EXOC4: variants seen among roughly 807,000 people sequenced by gnomAD.
EXOC4 encodes exocyst complex component 4.
EXOC4 carries 71 observed loss-of-function variants against 107.2 expected under a neutral mutation model. The ratio of observed to expected loss-of-function variants is 0.66; its 90% CI spans 0.55 to 0.81. EXOC4 has a LOEUF of 0.81. EXOC4 is among the 30% of genes least tolerant of loss of function. The pLI, the probability that EXOC4 is intolerant of heterozygous loss-of-function variation, is 0.00. For missense variants in EXOC4, 1,108 were observed against 1,189.6 expected, an observed-to-expected ratio of 0.93 and a Z score of 1.01; for synonymous variants, 456 against 441.2, an observed-to-expected ratio of 1.03 and a Z score of -0.42.
At chr7:133,878,728 G>C (rs1311319634) in intron 11 of EXOC4, among the ~76,000 whole-genome samples, 2 of 151,888 alleles carry the variant, frequency 1.3e-5, no homozygotes, top group South Asian at 4.2e-4. Context: ...TTTTATGTTT[G>C]TTTGTTTGTT....
chr7:133,665,533 A>T (rs933974356), intron 10 of EXOC4, among the ~76,000 whole-genome samples: 1 of 152,126 alleles, frequency 6.6e-6, no homozygotes, highest in Non-Finnish European at 1.5e-5. Context: ...TTGACCATGA[A>T]CTATTGAATG....
chr7:133,924,437 C>T, intron 13 of EXOC4, among the ~76,000 whole-genome samples: 1 of 152,044 alleles, frequency 6.6e-6, no homozygotes, highest in East Asian at 1.9e-4. Context: ...AGCCTCATTC[C>T]AGAAAAGAGA....
At chr7:134,041,962 G>T (rs1260174961) in intron 17 of EXOC4, among the ~76,000 whole-genome samples, 1 of 152,080 alleles carries the variant, frequency 6.6e-6, no homozygotes, top group Non-Finnish European at 1.5e-5. Flanking sequence ...GTTACATTCT[G>T]CTGGGCATAT....
At chr7:133,778,707 A>T (rs906648126) in intron 10 of EXOC4, among the ~76,000 whole-genome samples, 1 of 152,260 alleles carries the variant, frequency 6.6e-6, no homozygotes, top group Non-Finnish European at 1.5e-5. Flanking sequence ...TCAGAGGTGC[A>T]TCCTCTTCAT....
chr7:133,658,423 A>G (rs527671075), intron 10 of EXOC4, among the ~76,000 whole-genome samples: 1 of 152,246 alleles, frequency 6.6e-6, no homozygotes, highest in East Asian at 1.9e-4. Flanking sequence ...CCAAATAAGG[A>G]GGTCCACATC....
chr7:133,410,096 A>G (rs1356390766), intron 7 of EXOC4, among the ~76,000 whole-genome samples: 6 of 151,820 alleles, frequency 4.0e-5, no homozygotes, highest in Non-Finnish European at 8.8e-5. Context: ...TCATCTTTTC[A>G]TTTTTTCCCT....
intron 9 of EXOC4, among the ~76,000 whole-genome samples, chr7:133,552,744 T>G (rs1800616106): frequency 6.6e-6 from 1 of 152,154 alleles, no homozygotes; most frequent in African/African-American, 2.4e-5. Flanking sequence ...ATTCATAGCA[T>G]CTGGCACAGT....
chr7:133,758,841 A>G (rs1365437412), intron 10 of EXOC4, among the ~76,000 whole-genome samples: 1 of 152,198 alleles, frequency 6.6e-6, no homozygotes, highest in African/African-American at 2.4e-5. Context: ...CCCCAGAGAT[A>G]CAGCATGCCT....
At chr7:133,854,821 A>C (rs1798314103) in intron 11 of EXOC4, among the ~76,000 whole-genome samples, 1 of 150,206 alleles carries the variant, frequency 6.7e-6, no homozygotes, top group Non-Finnish European at 1.5e-5. Context: ...ATAAAAAAAA[A>C]AACTTGCCTG....
chr7:133,856,524 T>A (rs1260967605), intron 11 of EXOC4, among the ~76,000 whole-genome samples: 2 of 152,226 alleles, frequency 1.3e-5, no homozygotes, highest in Admixed American at 1.3e-4. Flanking sequence ...TGTGTGCAGC[T>A]CCTAGTGGAG....
chr7:133,933,880 A>G (rs1028586158), intron 13 of EXOC4, among the ~76,000 whole-genome samples: 1 of 152,244 alleles, frequency 6.6e-6, no homozygotes, highest in Non-Finnish European at 1.5e-5. Context: ...TCTCTTCACT[A>G]AAACGTGAAG....
chr7:133,959,051 G>T (rs1013276347), intron 14 of EXOC4, among the ~76,000 whole-genome samples: 1 of 152,184 alleles, frequency 6.6e-6, no homozygotes, highest in Non-Finnish European at 1.5e-5. Flanking sequence ...ACTAACATCA[G>T]TGGTTCTCCA....
intron 9 of EXOC4, among the ~76,000 whole-genome samples, chr7:133,490,815 A>G (rs944690954): frequency 2.6e-5 from 4 of 152,230 alleles, no homozygotes; most frequent in African/African-American, 9.6e-5. Context: ...AATCACATAC[A>G]GGATTTTCCG....
At chr7:133,854,481 G>T (rs1474329613) in intron 11 of EXOC4, among the ~76,000 whole-genome samples, 2 of 151,484 alleles carry the variant, frequency 1.3e-5, no homozygotes, top group Non-Finnish European at 2.9e-5. Context: ...CACATGCTGT[G>T]AAGCTAAAGA....
intron 11 of EXOC4, among the ~76,000 whole-genome samples, chr7:133,878,514 A>T (rs1488457265): frequency 6.6e-6 from 1 of 152,208 alleles, no homozygotes; most frequent in East Asian, 1.9e-4. Context: ...TTATATTCAT[A>T]TTCTATCTCA....
intron 9 of EXOC4, among the ~76,000 whole-genome samples, chr7:133,533,441 T>C (rs991199078): frequency 2.6e-5 from 4 of 152,176 alleles, no homozygotes; most frequent in Admixed American, 1.3e-4. Context: ...TACAGGTTAA[T>C]ATTTTGAGTA....
chr7:133,737,192 A>G (rs1174706028), intron 10 of EXOC4, among the ~76,000 whole-genome samples: 1 of 152,136 alleles, frequency 6.6e-6, no homozygotes, highest in Non-Finnish European at 1.5e-5. Flanking sequence ...TCATATTTTC[A>G]GGCACAGCCC....
Position 133,305,574 on chromosome 7 carries a change from A to G in EXOC4, c.472-303A>G, listed in dbSNP as rs551845617. On this transcript the variant is annotated intron_variant, in intron 3 of 17. Transcript: ENST00000253861. Reference sequence around the variant, plus strand: ...TGGGATTCTTGTGAGAATGTGAATGATAGTATCATTTAAATAGGGAGGTCT... The same window carrying G: ...TGGGATTCTTGTGAGAATGTGAATGGTAGTATCATTTAAATAGGGAGGTCT... Among the ~76,000 whole-genome samples, 3 of 152,270 alleles carry G rather than the reference A, an allele frequency of 2.0e-5. No individual in the cohort carries two copies. In the East Asian group the frequency reaches 5.8e-4, roughly 29 times the overall value.
chr7:133,342,512 CTT>C (rs1375615779), intron 5 of EXOC4, among the ~76,000 whole-genome samples: 1 of 152,114 alleles, frequency 6.6e-6, no homozygotes, highest in Non-Finnish European at 1.5e-5. Context: ...GCGGTGATCT[CTT>C]TGCTATGAAT....
Sources: allele counts gnomAD v4.1 joint callset (sites outside exome capture counted in the v4.1 genomes callset), GRCh38; gene constraint gnomAD v4.1.1; transcripts MANE v1.5; gene names NCBI Gene and HGNC (gene_info 2026-07-23, HGNC 2026-07-21).